The following IL34 variants were observed in gnomAD, a reference collection of about 807,000 sequenced individuals.
IL34 encodes interleukin 34, also known as interleukin-34.
A neutral mutation model predicts 25.3 loss-of-function variants in IL34; 17 were observed. The ratio of observed to expected loss-of-function variants is 0.67; its 90% CI spans 0.46 to 1.01. The LOEUF is 1.01. IL34 is among the 50% of genes least tolerant of loss of function. The pLI, the probability that IL34 is intolerant of heterozygous loss-of-function variation, is 0.00. For synonymous variants in IL34, 174 were observed against 140.9 expected (o/e 1.23, Z -1.66); for missense variants, 368 against 312.9 (o/e 1.18, Z -1.33).
intron 1 of IL34, among the ~76,000 whole-genome samples, chr16:70,633,422 T>TA (rs35132744): frequency 0.28 from 42,005 of 151,302 alleles, 6,231 homozygotes; most frequent in South Asian, 0.45. Context: ...CCTGGCTAAT[T>TA]AAAAAAAATT....
intron 1 of IL34, among the ~76,000 whole-genome samples, chr16:70,594,913 C>T (rs1597737072): frequency 6.6e-6 from 1 of 151,150 alleles, no homozygotes; most frequent in African/African-American, 2.4e-5. Flanking sequence ...CCTCATATTT[C>T]CAGGTGGCTG....
Position 70,627,358 on chromosome 16 carries a change from C to T in IL34, c.-400-19190C>T, listed in dbSNP as rs927459641. Among the ~76,000 whole-genome samples the T allele has an allele frequency of 7.9e-5, 12 of 152,192 alleles. No individual in the cohort carries two copies. In the East Asian group the frequency reaches 1.4e-3, roughly 17 times the overall value. On this transcript the variant is annotated intron_variant, in intron 1 of 6. Transcript: ENST00000429149. ...AACACACCCTTGCAACTATTACCAG[C>T]GTGTAGAAGCCCCCCACCAGATCCC...
chr16:70,636,585 T>TCACACACACACA lies in IL34; in HGVS notation c.-400-9930_-400-9919dup, dbSNP rs34816911. Among the ~76,000 whole-genome samples, 453 of 136,470 alleles carry TCACACACACACA rather than the reference T, an allele frequency of 3.3e-3. 1 individual carries two copies. Among genetic ancestry groups the TCACACACACACA allele is most frequent in the South Asian group, 5.2e-3 (21 of 4,040 alleles). The allele number at this position is 136,470 out of a possible 152,430, so 89.5% of individuals were successfully genotyped here. On this transcript the variant is annotated intron_variant, in intron 1 of 6. Transcript: ENST00000429149. The stretch of plus-strand genomic sequence containing the variant: ...AGCCTGGACAACATAGCAAACCCTG[T>TCACACACACACA]CACACACACACACACACACACACAC...
upstream of IL34, among the ~76,000 whole-genome samples, chr16:70,643,077 T>A (rs2051824772): frequency 6.6e-6 from 1 of 152,136 alleles, no homozygotes; most frequent in Non-Finnish European, 1.5e-5. Flanking sequence ...TTTTTATTTA[T>A]TTTTGAGACG....
At chr16:70,646,000 C>G (rs906851437), upstream of IL34, among the ~76,000 whole-genome samples, 1 of 152,176 alleles carries the variant, frequency 6.6e-6, no homozygotes, top group African/African-American at 2.4e-5. Flanking sequence ...CTGCAGTGAG[C>G]CAAAATCACG....
rs148772325 is a variant in IL34 at position 70,632,246 on chromosome 16, G to C, written c.-400-14302G>C. 2.4e-3 allele frequency among the ~76,000 whole-genome samples: 368 copies of C among 152,336 alleles called. 5 individuals are homozygous for C. The highest frequency in any genetic ancestry group is 8.3e-3 in the African/African-American group (346 of 41,576). The stretch of plus-strand genomic sequence containing the variant: ...TGTGGGGATGAGATCATGCTGTAGG[G>C]ATTGGGCCAGGTGGTCTTAGCATTC... On this transcript the variant is annotated intron_variant, in intron 1 of 6. Transcript: ENST00000429149.
intron 1 of IL34, among the ~76,000 whole-genome samples, chr16:70,634,876 T>C (rs2051607117): frequency 6.7e-6 from 1 of 149,872 alleles, no homozygotes; most frequent in Non-Finnish European, 1.5e-5. Context: ...CTCAAAATAA[T>C]GTTTTTGAGA....
intron 1 of IL34, among the ~76,000 whole-genome samples, chr16:70,594,954 T>C (rs887070198): frequency 7.3e-6 from 1 of 136,486 alleles, no homozygotes; most frequent in African/African-American, 3.5e-5. Flanking sequence ...TCTCTCTCTC[T>C]CTTTTTTTTT....
At chr16:70,659,886 C>T in intron 5 of IL34, 111 bp from the exon 6 acceptor site, 1 of 1,475,760 alleles carries the variant, frequency 6.8e-7, no homozygotes, top group East Asian at 2.3e-5. Flanking sequence ...TTTCTGGAAG[C>T]CAGGATGGGC....
At chr16:70,649,025 G>A (rs2052013327) in intron 1 of IL34, among the ~76,000 whole-genome samples, 2 of 152,092 alleles carry the variant, frequency 1.3e-5, no homozygotes, top group African/African-American at 4.8e-5. Flanking sequence ...ACTGGATTTA[G>A]GGAACTGCCT....
At chr16:70,591,785 C>T (rs2050757928) in intron 1 of IL34, among the ~76,000 whole-genome samples, 1 of 152,166 alleles carries the variant, frequency 6.6e-6, no homozygotes, top group Non-Finnish European at 1.5e-5. Flanking sequence ...GATGAGGAAA[C>T]TGAGGATCAG....
chr16:70,589,983 C>T lies in IL34; in HGVS notation c.-401+9934C>T, dbSNP rs111564003. On this transcript the variant is annotated intron_variant, in intron 1 of 6. Coordinates refer to the IL34 transcript ENST00000429149. ...AGATCCTTTACAGGGTTCGTGAGGA[C>T]AGGATGAGGCAACGCATGTGAACTG... Among the ~76,000 whole-genome samples, 70 of 152,312 alleles carry T rather than the reference C, an allele frequency of 4.6e-4. 1 individual carries two copies. The highest frequency in any genetic ancestry group is 1.6e-3 in the African/African-American group (66 of 41,570).
chr16:70,645,757 A>G (rs2051911326), upstream of IL34, among the ~76,000 whole-genome samples: 1 of 152,198 alleles, frequency 6.6e-6, no homozygotes, highest in Non-Finnish European at 1.5e-5. Flanking sequence ...CAGTGAATGT[A>G]AAGACCTTAG....
rs1475042643 is a variant in IL34 at position 70,623,334 on chromosome 16, T to C, written c.-400-23214T>C. On this transcript the variant is annotated intron_variant, in intron 1 of 6. Coordinates refer to the IL34 transcript ENST00000429149. ...GAGGTATGGAGGATAGGAGAGTATA[T>C]GGGTTTGACACCATAGGGTGGATAG... Among the ~76,000 whole-genome samples, 7 of 152,152 alleles carry C rather than the reference T, an allele frequency of 4.6e-5. No individual in the cohort carries two copies. The South Asian group carries it at 6.2e-4, about 14-fold the overall frequency.
intron 1 of IL34, among the ~76,000 whole-genome samples, chr16:70,633,219 C>G (rs902125037): frequency 3.9e-5 from 6 of 151,918 alleles, no homozygotes; most frequent in Non-Finnish European, 7.4e-5. Context: ...TCCTCCTTGG[C>G]TTCCCAAAGT....
At chr16:70,590,882 C>A (rs933716848) in intron 1 of IL34, among the ~76,000 whole-genome samples, 1 of 152,158 alleles carries the variant, frequency 6.6e-6, no homozygotes, top group African/African-American at 2.4e-5. Flanking sequence ...TCAGGGGTGC[C>A]CTGCCACCCC....
chr16:70,581,644 CAG>C (rs1392893031), intron 1 of IL34, among the ~76,000 whole-genome samples: 1 of 152,084 alleles, frequency 6.6e-6, no homozygotes, highest in East Asian at 1.9e-4. Flanking sequence ...AGGAAGGGGA[CAG>C]AGACAGTCTA....
At chr16:70,588,310 A>G (rs940753892) in intron 1 of IL34, among the ~76,000 whole-genome samples, 1 of 152,036 alleles carries the variant, frequency 6.6e-6, no homozygotes, top group Non-Finnish European at 1.5e-5. Flanking sequence ...CCTGGCCAAC[A>G]TGGCAAAACC....
At chr16:70,638,446 TAAAG>T (rs1391176367) in intron 1 of IL34, among the ~76,000 whole-genome samples, 14 of 149,290 alleles carry the variant, frequency 9.4e-5, no homozygotes, top group South Asian at 2.1e-4. Context: ...AAAAAAAAAA[TAAAG>T]AAAAAAGAAA....
Sources: allele counts gnomAD v4.1 joint callset (sites outside exome capture counted in the v4.1 genomes callset), GRCh38; gene constraint gnomAD v4.1.1; transcripts MANE v1.5; gene names NCBI Gene and HGNC (gene_info 2026-07-23, HGNC 2026-07-21).